Variants in XYLB observed in about 807,000 individuals in gnomAD.
XYLB encodes the protein xylulose kinase.
XYLB carries 62 observed loss-of-function variants against 78.7 expected under a neutral mutation model. The observed-to-expected ratio is 0.79, with a 90% CI of 0.64 to 0.97. The LOEUF (loss-of-function observed/expected upper bound fraction) is 0.97, where lower values mean the gene tolerates loss of function less well. XYLB is among the 50% of genes least tolerant of loss of function. XYLB has a pLI of 0.00. For synonymous variants in XYLB, 245 were observed against 247.4 expected (o/e 0.99, Z 0.09); for missense variants, 687 against 676.8 (o/e 1.02, Z -0.17).
intron 4 of XYLB, among the ~76,000 whole-genome samples, chr3:38,363,829 A>G (rs1029193744): frequency 1.3e-5 from 2 of 152,178 alleles, no homozygotes; most frequent in South Asian, 2.1e-4. Context: ...ACCTGAGTCT[A>G]TCTCATTCAG....
chr3:38,410,459 A>G (rs1174161192), intron 18 of XYLB, among the ~76,000 whole-genome samples: 2 of 152,042 alleles, frequency 1.3e-5, no homozygotes, highest in African/African-American at 2.4e-5. Context: ...ATTACCATTC[A>G]GGACAGAGGC....
At chr3:38,442,230 T>A in the XYLB span, among the ~76,000 whole-genome samples, 1 of 152,224 alleles carries the variant, frequency 6.6e-6, no homozygotes, top group Non-Finnish European at 1.5e-5. Context: ...TAGGCAGAGT[T>A]GGGCCTTCGA....
chr3:38,347,791 G>A (rs1473948610), intron 1 of XYLB, among the ~76,000 whole-genome samples: 5 of 152,264 alleles, frequency 3.3e-5, no homozygotes, highest in Admixed American at 2.6e-4. Context: ...CTGGCCAGAG[G>A]AGCAGTGTGC....
rs144011321 is a variant in XYLB at position 38,396,043 on chromosome 3, G to A, written c.1350+480G>A. 3.0e-3 allele frequency among the ~76,000 whole-genome samples: 457 copies of A among 152,348 alleles called. 2 individuals are homozygous for A. The highest frequency in any genetic ancestry group is 0.01 in the African/African-American group (434 of 41,584). ...ATGTCTGACACTCAGACTGTCACCTGTGGGGCTGTCAGAGCCTGTTATGGA... is the reference window on the plus strand; with the variant it reads ...ATGTCTGACACTCAGACTGTCACCTATGGGGCTGTCAGAGCCTGTTATGGA... On this transcript the variant is annotated intron_variant, in intron 16 of 18. Transcript: ENST00000207870.
intron 18 of XYLB, among the ~76,000 whole-genome samples, chr3:38,407,961 A>C (rs1708399344): frequency 6.6e-6 from 1 of 152,148 alleles, no homozygotes; most frequent in Non-Finnish European, 1.5e-5. Flanking sequence ...CACTGTCAAC[A>C]TTAGACAGAA....
chr3:38,414,845 AAAG>A lies in XYLB; in HGVS notation c.*1837_*1839del, dbSNP rs1575551414. 6.6e-6 allele frequency: 1 copy of A among 152,218 alleles called. No individual in the cohort carries two copies. The highest frequency in any genetic ancestry group is 6.5e-5 in the Admixed American group (1 of 15,282). 9.4% of individuals were successfully genotyped at this position (152,218 alleles called of 1,614,324 possible). On this transcript the variant is annotated 3_prime_UTR_variant, in exon 19 of 19. Transcript: ENST00000207870. The stretch of plus-strand genomic sequence containing the variant: ...AAGACCCAGAAATAAAATGACAGAT[AAAG>A]AAGATTGTCAAAGAAAAGATGATAC...
chr3:38,356,122 G>T (rs1705636571), intron 2 of XYLB: 1 of 191,658 alleles, frequency 5.2e-6, no homozygotes, highest in Non-Finnish European at 1.1e-5. Flanking sequence ...TTGGTGCCGG[G>T]CGCCTGTAGT....
chr3:38,404,080 A>AG (rs1708220796), intron 18 of XYLB, among the ~76,000 whole-genome samples: 1 of 152,200 alleles, frequency 6.6e-6, no homozygotes, highest in African/African-American at 2.4e-5. Context: ...CAAAGCAGTA[A>AG]GAATGTTTTC....
intron 3 of XYLB, 120 bp downstream of exon 3, chr3:38,360,528 C>A: frequency 1.2e-6 from 1 of 845,216 alleles, no homozygotes; most frequent in African/African-American, 1.7e-5. Flanking sequence ...ACCAGGTCCT[C>A]ATGGGAAGGT....
chr3:38,395,912 T>C (rs1006142105), intron 16 of XYLB, among the ~76,000 whole-genome samples: 2 of 152,238 alleles, frequency 1.3e-5, no homozygotes, highest in East Asian at 3.8e-4. Flanking sequence ...TAACCATCGC[T>C]GATTCTCCAA....
At chr3:38,412,730 G>A (rs1430479836) in intron 18 of XYLB, among the ~76,000 whole-genome samples, 1 of 152,080 alleles carries the variant, frequency 6.6e-6, no homozygotes, top group African/African-American at 2.4e-5. Context: ...TTGGTTTCTT[G>A]TCATAATTTA....
the XYLB span, among the ~76,000 whole-genome samples, chr3:38,438,082 T>G: frequency 6.6e-6 from 1 of 151,932 alleles, no homozygotes; most frequent in African/African-American, 2.4e-5. Flanking sequence ...AATATAACAT[T>G]AGCCAGGTGT....
intron 15 of XYLB, among the ~76,000 whole-genome samples, chr3:38,390,875 A>G (rs1287763677): frequency 1.3e-5 from 2 of 152,174 alleles, no homozygotes; most frequent in African/African-American, 4.8e-5. Context: ...ATCTTACAGC[A>G]AGTTATAAAA....
At chr3:38,408,537 A>G (rs112421975) in intron 18 of XYLB, among the ~76,000 whole-genome samples, 1 of 151,864 alleles carries the variant, frequency 6.6e-6, no homozygotes, top group African/African-American at 2.4e-5. Context: ...CTAAAATCAG[A>G]GAAGAACTGA....
At chr3:38,406,302 T>G (rs149446645) in intron 18 of XYLB, among the ~76,000 whole-genome samples, 2 of 152,076 alleles carry the variant, frequency 1.3e-5, no homozygotes, top group Non-Finnish European at 2.9e-5. Flanking sequence ...GCTAGCAAAC[T>G]CCAACAGACC....
chr3:38,357,113 CT>C (rs1273052693), intron 2 of XYLB: 1 of 152,228 alleles, frequency 6.6e-6, no homozygotes, highest in Non-Finnish European at 1.5e-5. Flanking sequence ...TTGTGGACTT[CT>C]AGCCTCCAGA....
intron 17 of XYLB, among the ~76,000 whole-genome samples, chr3:38,397,616 C>T (rs1258332003): frequency 6.6e-6 from 1 of 151,976 alleles, no homozygotes; most frequent in Non-Finnish European, 1.5e-5. Flanking sequence ...TTGGAGGCCT[C>T]GCTAAAACTC....
At chr3:38,409,711 A>G (rs1251567940) in intron 18 of XYLB, among the ~76,000 whole-genome samples, 1 of 152,210 alleles carries the variant, frequency 6.6e-6, no homozygotes, top group Non-Finnish European at 1.5e-5. Context: ...AAATCAATGT[A>G]CAAAAATCAC....
intron 17 of XYLB, among the ~76,000 whole-genome samples, chr3:38,398,994 G>A (rs151327440): frequency 5.3e-5 from 8 of 151,958 alleles, no homozygotes; most frequent in South Asian, 2.1e-4. Context: ...GCAGTGAGCC[G>A]AGATCGCACC....
Sources: gnomAD v4.1 joint callset for allele counts (sites outside exome capture counted in the v4.1 genomes callset) on GRCh38, gnomAD v4.1.1 for gene constraint, MANE v1.5 for transcripts, NCBI Gene and HGNC (gene_info 2026-07-23, HGNC 2026-07-21) for gene names.